TIGD6: variants seen among roughly 807,000 people sequenced by gnomAD.
The protein encoded by TIGD6 is tigger transposable element-derived protein 6.
A neutral mutation model predicts 2.6 loss-of-function variants in TIGD6; 1 was observed. The observed-to-expected ratio is 0.39, with a 90% CI of 0.14 to 1.85. The LOEUF (loss-of-function observed/expected upper bound fraction) is 1.85, where lower values mean the gene tolerates loss of function less well. TIGD6 is among the 40% of genes most tolerant of loss of function. TIGD6 has a pLI of 0.32. For synonymous variants in TIGD6, 193 were observed against 221.9 expected (o/e 0.87, Z 1.16); for missense variants, 601 against 634.2 (o/e 0.95, Z 0.56).
At position 149,993,756 on chromosome 5, in the gene TIGD6, A is replaced by G. The variant is rs900343269; in HGVS notation, c.*1027T>C. 1 of 152,228 alleles carries G rather than the reference A, an allele frequency of 6.6e-6. No individual in the cohort carries two copies. Among genetic ancestry groups the G allele is most frequent in the Non-Finnish European group, 1.5e-5 (1 of 68,076 alleles). The allele number at this position is 152,228 out of a possible 1,614,324, so 9.4% of individuals were successfully genotyped here. On this transcript the variant is annotated 3_prime_UTR_variant, in exon 2 of 2. Transcript: ENST00000296736. ...CCAGATCCCTATTAGTGAAATGCCT[A>G]TTAAAACATTTCGTAAGGCCAGCAT...
chr5:149,996,814 G>A (rs987887922), intron 1 of TIGD6, among the ~76,000 whole-genome samples: 3 of 152,188 alleles, frequency 2.0e-5, no homozygotes, highest in African/African-American at 7.2e-5. Context: ...GGGCCTACCC[G>A]GGTTCATGCA....
chr5:149,994,602 G>T lies in TIGD6; in HGVS notation c.*181C>A. On this transcript the variant is annotated 3_prime_UTR_variant, in exon 2 of 2. Transcript: ENST00000296736. ...CATCTTGAATCAAGGACCAGAGACA[G>T]CCAAAAACAAAAGAAAAGAAAACAC... is the stretch of plus-strand genomic sequence containing the variant. 1.8e-6 allele frequency: 1 copy of T among 563,604 alleles called. No individual in the cohort carries two copies. 34.9% of individuals were successfully genotyped at this position (563,604 alleles called of 1,614,324 possible). A position where few individuals can be genotyped will look rare whatever the true frequency, so the allele number is the denominator to read the frequency against.
At chr5:149,999,180 G>GT (rs1755473514) in intron 1 of TIGD6, among the ~76,000 whole-genome samples, 3 of 152,132 alleles carry the variant, frequency 2.0e-5, no homozygotes, top group Admixed American at 2.0e-4. Flanking sequence ...GCTTTTGACG[G>GT]TTTTTTGGTT....
chr5:149,995,933 C>T lies in TIGD6; in HGVS notation c.416G>A (p.Cys139Tyr). 1 of 1,613,700 alleles carries T rather than the reference C, an allele frequency of 6.2e-7. No homozygotes were observed. The highest frequency in any genetic ancestry group is 8.5e-7 in the Non-Finnish European group (1 of 1,180,038). Reference sequence around the variant, plus strand: ...CATTAACCTGTCACTATCTTCTCTACAGACTGCTTTCAAAGCAATTCCGTG... The same window carrying T: ...CATTAACCTGTCACTATCTTCTCTATAGACTGCTTTCAAAGCAATTCCGTG... The part of the protein sequence containing the change: ...DRHGIALKAV[C>Y]REDSDRLMNG... Residue 139 changes from cysteine (C) to tyrosine (Y), a missense_variant, in exon 2 of 2, where the codon TGT (cysteine) becomes TAT (tyrosine). Cys to Tyr is a radical substitution (Grantham distance 194, BLOSUM62 -2). Coordinates refer to ENST00000296736, the MANE Select transcript of TIGD6 (RefSeq NM_030953.4).
At position 149,994,972 on chromosome 5, in the gene TIGD6, T is replaced by G. The variant is rs757329805; in HGVS notation, c.1377A>C (p.Pro459=). The change falls in exon 2 of 2, where the codon CCA becomes CCC. Residue 459 remains proline (P), a synonymous_variant. Transcript: ENST00000296736. Reference sequence around the variant, plus strand: ...CTGTGATGGTGACTTTTGGTTGCTCTGGTAAAGATACCTCCCCTTCATCTT... The same window carrying G: ...CTGTGATGGTGACTTTTGGTTGCTCGGGTAAAGATACCTCCCCTTCATCTT... ...GSEDEGEVSL[P]EQPKVTITEA... is the part of the protein sequence containing the mutation. The G allele has an allele frequency of 1.9e-6, 3 of 1,613,214 alleles. No individual in the cohort carries two copies. Among genetic ancestry groups the G allele is most frequent in the South Asian group, 2.2e-5 (2 of 90,940 alleles).
Position 149,995,925 on chromosome 5 carries a change from C to G in TIGD6, c.424G>C (p.Asp142His). ...AGACCATTCATTAACCTGTCACTAT[C>G]TTCTCTACAGACTGCTTTCAAAGCA... Reference protein sequence around the residue: ...GIALKAVCREDSDRLMNGLGI... With the variant: ...GIALKAVCREHSDRLMNGLGI... The change falls in exon 2 of 2, where the codon GAT becomes CAT. Residue 142 changes from aspartate to histidine, a missense_variant. Transcript: ENST00000296736. The G allele has an allele frequency of 6.2e-7, 1 of 1,613,908 alleles. No homozygotes were observed. The highest frequency in any genetic ancestry group is 8.5e-7 in the Non-Finnish European group (1 of 1,180,042).
chr5:149,995,671 T>C lies in TIGD6; in HGVS notation c.678A>G (p.Pro226=), dbSNP rs746203709. ...GGCTGGCTGACCTACCAACAATCAA[T>C]GGTCTCATTTTTTCAGTCCCCGAGG... ...CNASGTEKMR[P]LIVGRSASPH... The change falls in exon 2 of 2, where the codon CCA becomes CCG. Residue 226 remains proline (P), a synonymous_variant. Coordinates refer to ENST00000296736, the MANE Select transcript of TIGD6 (RefSeq NM_030953.4). The C allele has an allele frequency of 3.7e-6, 6 of 1,614,182 alleles. No homozygotes were observed. Among genetic ancestry groups the C allele is most frequent in the Admixed American group, 3.3e-5 (2 of 60,030 alleles).
intron 1 of TIGD6, chr5:150,000,196 T>A (rs1755507310): frequency 6.5e-6 from 1 of 154,440 alleles, no homozygotes; most frequent in Non-Finnish European, 1.5e-5. Context: ...CAGCTCAGCT[T>A]GAGTCACTCC....
chr5:149,995,524 C>A lies in TIGD6; in HGVS notation c.825G>T (p.Ala275=), dbSNP rs755781496. The change falls in exon 2 of 2, where the codon GCG becomes GCT. Residue 275 remains alanine (A), a synonymous_variant. Coordinates refer to ENST00000296736, the MANE Select transcript of TIGD6 (RefSeq NM_030953.4). ...LMQVDARMKR[A]ERRILLLIDN... ...CTATGAGCAAGAGGATCCGGCGTTC[C>A]GCCCTCTTCATCCTGGCATCCACTT... 11 of 1,614,100 alleles carry A rather than the reference C, an allele frequency of 6.8e-6. No homozygotes were observed. In the African/African-American group the frequency reaches 1.5e-4, roughly 22 times the overall value.
Position 149,995,114 on chromosome 5 carries a change from G to A in TIGD6, c.1235C>T (p.Pro412Leu). Reference sequence around the variant, plus strand: ...AAAGTCCTGGAAATTTACTTCATTTGGGACACAGGTGGCAATAGCCACTGT... The same window carrying A: ...AAAGTCCTGGAAATTTACTTCATTTAGGACACAGGTGGCAATAGCCACTGT... ...WHTVAIATCV[P>L]NEVNFQDFVT... The change falls in exon 2 of 2, where the codon CCA becomes CTA. Residue 412 changes from proline to leucine, a missense_variant. Pro to Leu is a moderately conservative substitution (Grantham distance 98). Coordinates refer to ENST00000296736, the MANE Select transcript of TIGD6 (RefSeq NM_030953.4). 1 of 1,614,210 alleles carries A rather than the reference G, an allele frequency of 6.2e-7. No homozygotes were observed. Among genetic ancestry groups the A allele is most frequent in the Non-Finnish European group, 8.5e-7 (1 of 1,180,042 alleles).
rs1755334299 is a variant in TIGD6 at position 149,994,755 on chromosome 5, A to T, written c.*28T>A. 1 of 1,493,314 alleles carries T rather than the reference A, an allele frequency of 6.7e-7. No individual in the cohort carries two copies. 92.5% of individuals were successfully genotyped at this position (1,493,314 alleles called of 1,614,324 possible). On this transcript the variant is annotated 3_prime_UTR_variant, in exon 2 of 2. Coordinates refer to ENST00000296736, the MANE Select transcript of TIGD6 (RefSeq NM_030953.4). ...TCTAAAGAAATCTTTATTCTTGTAA[A>T]CTACATTTTCTGAAATAAATTCCTG...
At chr5:149,996,560 AC>A in intron 1 of TIGD6, 131 bp from the exon 2 acceptor site, 1 of 636,696 alleles carries the variant, frequency 1.6e-6, no homozygotes, top group Non-Finnish European at 2.5e-6. Flanking sequence ...GATTCATGCT[AC>A]TGACTTTTTG....
Position 149,996,037 on chromosome 5 carries a change from T to C in TIGD6, c.312A>G (p.Lys104=). ...ILVTGSVIRK[K]ALNLANMLGY... ...CAAGCATGTTGGCCAAGTTTAGTGC[T>C]TTTTTCCGAATGACAGAACCAGTCA... Residue 104 remains lysine, a synonymous_variant, in exon 2 of 2, where the codon AAA becomes AAG. Transcript: ENST00000296736. The C allele has an allele frequency of 6.2e-7, 1 of 1,612,034 alleles. No homozygotes were observed. Among genetic ancestry groups the C allele is most frequent in the Middle Eastern group, 1.6e-4 (1 of 6,062 alleles).
chr5:149,996,402 C>T lies in TIGD6; in HGVS notation c.-54G>A, dbSNP rs1293822379. ...AACAGGACTGTCTGGTTCCTCCTCG[C>T]GGCTTGCTTTGCCCCAAGTGTGGAA... On this transcript the variant is annotated 5_prime_UTR_variant, in exon 2 of 2. Coordinates refer to ENST00000296736, the MANE Select transcript of TIGD6 (RefSeq NM_030953.4). 2.3e-5 allele frequency: 35 copies of T among 1,524,538 alleles called. No homozygotes were observed. Among genetic ancestry groups the T allele is most frequent in the Non-Finnish European group, 2.9e-5 (33 of 1,139,050 alleles). 94.4% of individuals were successfully genotyped at this position (1,524,538 alleles called of 1,614,324 possible).
intron 1 of TIGD6, among the ~76,000 whole-genome samples, chr5:149,996,763 C>T (rs1755399905): frequency 6.6e-6 from 1 of 152,250 alleles, no homozygotes; most frequent in Non-Finnish European, 1.5e-5. Flanking sequence ...GAGTTATTCT[C>T]CAGCTTCTTT....
Position 149,995,222 on chromosome 5 carries a change from C to A in TIGD6, c.1127G>T (p.Gly376Val), listed in dbSNP as rs1755354340. 1 of 1,614,136 alleles carries A rather than the reference C, an allele frequency of 6.2e-7. No individual in the cohort carries two copies. The highest frequency in any genetic ancestry group is 1.1e-5 in the South Asian group (1 of 91,092). Residue 376 changes from glycine (G) to valine (V), a missense_variant, in exon 2 of 2, where the codon GGC becomes GTC. Gly to Val is a moderately radical substitution (Grantham distance 109, BLOSUM62 -3). Transcript: ENST00000296736. The part of the protein sequence containing the change: ...STVVKCWQKA[G>V]IVPMEFAECD... ...TTCTGCAAATTCCATAGGGACGATG[C>A]CTGCCTTCTGCCAACATTTCACCAC...
intron 1 of TIGD6, among the ~76,000 whole-genome samples, chr5:149,996,888 A>G (rs769227052): frequency 1.3e-5 from 2 of 152,174 alleles, no homozygotes; most frequent in Non-Finnish European, 2.9e-5. Flanking sequence ...AAATTCCACC[A>G]AAGTGAGATC....
In TIGD6 at chr5:149,996,060, T is replaced by G. The variant is rs746848024; in HGVS notation, c.289A>C (p.Thr97Pro). 6.2e-7 allele frequency: 1 copy of G among 1,613,530 alleles called. No individual in the cohort carries two copies. Among genetic ancestry groups the G allele is most frequent in the Non-Finnish European group, 8.5e-7 (1 of 1,180,026 alleles). The part of the protein sequence containing the change: ...QEIHAKNILV[T>P]GSVIRKKALN... ...GCTTTTTTCCGAATGACAGAACCAG[T>G]CACAAGAATGTTTTTGGCATGGATT... Residue 97 changes from threonine to proline, a missense_variant, in exon 2 of 2, where the codon ACT becomes CCT. Physicochemically the swap from Thr to Pro is conservative, Grantham distance 38. Transcript: ENST00000296736.
In TIGD6 at chr5:149,996,161, A is replaced by G. The variant is rs777536268; in HGVS notation, c.188T>C (p.Val63Ala). ...CCTCATCCTTTTCCGCTGGGGTCCC[A>G]CGGATGCCTCCCGCACCTTTTCTTC... The part of the protein sequence containing the change: ...KFEEKVREAS[V>A]GPQRKRMRSA... Residue 63 changes from valine (V) to alanine (A), a missense_variant, in exon 2 of 2, where the codon GTG becomes GCG. Transcript: ENST00000296736. 4 of 1,613,824 alleles carry G rather than the reference A, an allele frequency of 2.5e-6. No individual in the cohort carries two copies. The Admixed American group carries it at 5.0e-5, about 20-fold the overall frequency.
Sources: gnomAD v4.1 joint callset for allele counts (sites outside exome capture counted in the v4.1 genomes callset) on GRCh38, gnomAD v4.1.1 for gene constraint, MANE v1.5 for transcripts, NCBI Gene and HGNC (gene_info 2026-07-23, HGNC 2026-07-21) for gene names.